Variants in KIF11 observed in about 807,000 individuals in gnomAD.
KIF11 encodes the protein kinesin-like protein KIF11.
In KIF11, 9 loss-of-function variants were observed where a neutral mutation model predicts 121.0. That is an observed-to-expected ratio of 0.07 (90% confidence interval 0.04 to 0.13). KIF11 has a LOEUF of 0.13. Ranked by LOEUF, KIF11 falls within the 10% of genes least tolerant of loss-of-function variation. The pLI, the probability that KIF11 is intolerant of heterozygous loss-of-function variation, is 1.00. For missense variants in KIF11, 846 were observed against 1,217.5 expected (o/e 0.69, Z 4.54); for synonymous variants, 408 against 421.0 (o/e 0.97, Z 0.38).
intron 1 of KIF11, among the ~76,000 whole-genome samples, chr10:92,603,263 CTTTTT>C (rs368046931): frequency 9.2e-5 from 10 of 109,172 alleles, no homozygotes; most frequent in African/African-American, 2.6e-4. Flanking sequence ...CTTTTCTTTT[CTTTTT>C]TTTTTTTTTT....
At chr10:92,633,559 G>C in intron 13 of KIF11, 64 bp from the exon 14 acceptor site, 1 of 1,180,398 alleles carries the variant, frequency 8.5e-7, no homozygotes, top group Non-Finnish European at 1.2e-6. Flanking sequence ...TCTTTGAAAT[G>C]GTTTGAACGG....
Position 92,637,173 on chromosome 10 carries a change from T to C in KIF11, c.1876-11T>C. 6.4e-7 allele frequency: 1 copy of C among 1,570,660 alleles called. No individual in the cohort carries two copies. The highest frequency in any genetic ancestry group is 1.2e-5 in the South Asian group (1 of 84,502). On this transcript the variant is annotated splice_polypyrimidine_tract_variant and intron_variant, in intron 14 of 21. Transcript: ENST00000260731. ...CTTTTTAAAGACCTATTTGTTTATT[T>C]CTGAAACCAGAATGTACTCAAGACT...
chr10:92,635,234 A>G (rs1479751924), intron 14 of KIF11, among the ~76,000 whole-genome samples: 1 of 152,104 alleles, frequency 6.6e-6, no homozygotes, highest in Non-Finnish European at 1.5e-5. Context: ...ACATTATTTG[A>G]TAGGTTTTCT....
At chr10:92,648,594 G>C (rs1844945927) in intron 19 of KIF11, among the ~76,000 whole-genome samples, 160 bp downstream of exon 19, 1 of 152,290 alleles carries the variant, frequency 6.6e-6, no homozygotes, top group East Asian at 1.9e-4. Flanking sequence ...CCTTAAAATA[G>C]TTTTAATCAA....
intron 14 of KIF11, among the ~76,000 whole-genome samples, chr10:92,634,076 C>T (rs568857284): frequency 1.3e-4 from 20 of 152,002 alleles, no homozygotes; most frequent in South Asian, 1.0e-3. Flanking sequence ...CTCTACCTCC[C>T]GGGTTCATGC....
chr10:92,600,549 C>T (rs1429684169), intron 1 of KIF11, among the ~76,000 whole-genome samples: 1 of 152,098 alleles, frequency 6.6e-6, no homozygotes, highest in Non-Finnish European at 1.5e-5. Flanking sequence ...CGCTCTGTCA[C>T]CAGGCTGGAG....
rs1257862291 is a variant in KIF11 at position 92,651,521 on chromosome 10, T to A, written c.3039+1004T>A. Among the ~76,000 whole-genome samples the A allele has an allele frequency of 4.5e-4, 34 of 75,258 alleles. 4 individuals are homozygous for A. The highest frequency in any genetic ancestry group is 3.4e-3 in the South Asian group (8 of 2,376). 49.4% of individuals were successfully genotyped at this position (75,258 alleles called of 152,430 possible). On this transcript the variant is annotated intron_variant, in intron 21 of 21. Coordinates refer to ENST00000260731, the MANE Select transcript of KIF11 (RefSeq NM_004523.4). ...TGGCTAATTTTGTTTTTTTTTTTTT[T>A]TTTTTTTTTTTTTTTTTTTTTTTTT...
rs58660991 is a variant in KIF11 at position 92,605,482 on chromosome 10, A to ATTTTTTTT, written c.78-769_78-762dup. ...CTACATCATAACCTAATTTGATCGG[A>ATTTTTTTT]TTTTTTTTTTTTTTTTTTTTTGAGA... On this transcript the variant is annotated intron_variant, in intron 1 of 21. Transcript: ENST00000260731. Among the ~76,000 whole-genome samples, 53 of 98,294 alleles carry ATTTTTTTT rather than the reference A, an allele frequency of 5.4e-4. 4 individuals carry two copies. The highest frequency in any genetic ancestry group is 1.9e-3 in the African/African-American group (45 of 24,258). 64.5% of individuals were successfully genotyped at this position (98,294 alleles called of 152,430 possible).
intron 6 of KIF11, among the ~76,000 whole-genome samples, chr10:92,611,547 GT>G (rs1844496647): frequency 6.6e-6 from 1 of 152,010 alleles, no homozygotes; most frequent in South Asian, 2.1e-4. Flanking sequence ...TTACATTTAT[GT>G]TTTTCCTTAG....
intron 10 of KIF11, 68 bp downstream of exon 10, chr10:92,621,541 A>C (rs1172255500): frequency 1.1e-6 from 1 of 911,314 alleles, no homozygotes; most frequent in Admixed American, 1.9e-5. Context: ...TTTGAAGTAA[A>C]ACTTATGTAG....
intron 18 of KIF11, 140 bp downstream of exon 18, chr10:92,645,782 C>A: frequency 3.2e-6 from 2 of 627,462 alleles, no homozygotes; most frequent in Non-Finnish European, 5.3e-6. Flanking sequence ...ATTTGGTATG[C>A]TTACAGATGA....
rs542482973 is a variant in KIF11, at chr10:92,611,001, AC to A, written c.698+1493del. Reference sequence around the variant, plus strand: ...GGTAAAATTTCTTTAGGTACATTTCACTAAAGTATAAAATTTCTATTTTTCC... The same window carrying A: ...GGTAAAATTTCTTTAGGTACATTTCATAAAGTATAAAATTTCTATTTTTCC... On this transcript the variant is annotated intron_variant, in intron 6 of 21. Coordinates refer to ENST00000260731, the MANE Select transcript of KIF11 (RefSeq NM_004523.4). 1.1e-4 allele frequency among the ~76,000 whole-genome samples: 16 copies of A among 152,232 alleles called. No individual in the cohort carries two copies. In the South Asian group the frequency reaches 3.3e-3, roughly 32 times the overall value.
intron 10 of KIF11, among the ~76,000 whole-genome samples, 167 bp from the exon 11 acceptor site, chr10:92,628,641 T>G (rs1309294939): frequency 6.6e-6 from 1 of 152,222 alleles, no homozygotes; most frequent in Non-Finnish European, 1.5e-5. Flanking sequence ...CTTTGTAATT[T>G]GTATTTATTG....
At chr10:92,632,388 T>C (rs1844748075) in intron 12 of KIF11, 98 bp from the exon 13 acceptor site, 1 of 818,230 alleles carries the variant, frequency 1.2e-6, no homozygotes, top group Non-Finnish European at 2.0e-6. Context: ...GGCTGGAAAA[T>C]TTACTAGTTC....
In KIF11 at chr10:92,645,066, C is replaced by T. The variant is rs80320073; in HGVS notation, c.2268-297C>T. Among the ~76,000 whole-genome samples, 2,669 of 152,176 alleles carry T rather than the reference C, an allele frequency of 0.018. 46 individuals carry two copies. Among genetic ancestry groups the T allele is most frequent in the Middle Eastern group, 0.031 (9 of 294 alleles). On this transcript the variant is annotated intron_variant, in intron 17 of 21. Transcript: ENST00000260731. Reference sequence around the variant, plus strand: ...TAGTAGATGCCCTGAAGTAACATTGCCTAGTAAGAGGAATAAAACAAGTAG... The same window carrying T: ...TAGTAGATGCCCTGAAGTAACATTGTCTAGTAAGAGGAATAAAACAAGTAG...
In KIF11 at chr10:92,630,299, A is replaced by G; in HGVS notation, c.1429A>G (p.Lys477Glu). The G allele has an allele frequency of 6.2e-7, 1 of 1,608,526 alleles. No homozygotes were observed. Among genetic ancestry groups the G allele is most frequent in the South Asian group, 1.1e-5 (1 of 89,674 alleles). ...HLQETKLQLV[K>E]EEYITSALES... ...GCAAGAAACTAAATTACAACTTGTTAAAGAAGAATATATCACATCAGCTTT... is the reference window on the plus strand; with the variant it reads ...GCAAGAAACTAAATTACAACTTGTTGAAGAAGAATATATCACATCAGCTTT... The change falls in exon 12 of 22, where the codon AAA (lysine) becomes GAA (glutamate). Residue 477 changes from lysine (K) to glutamate (E), a missense_variant. This residue lies in a region of KIF11 where 95 missense variants were observed against 109.3 expected (regional missense o/e 0.87). Transcript: ENST00000260731.
intron 8 of KIF11, 59 bp from the exon 9 acceptor site, chr10:92,616,678 A>G: frequency 1.2e-6 from 1 of 842,506 alleles, no homozygotes; most frequent in Non-Finnish European, 1.9e-6. Flanking sequence ...TATTTTAGAT[A>G]ACAGAACTAC....
At chr10:92,642,832 TTA>T (rs1844879545) in intron 17 of KIF11, among the ~76,000 whole-genome samples, 1 of 152,206 alleles carries the variant, frequency 6.6e-6, no homozygotes. Flanking sequence ...GTCTAAGTCT[TTA>T]TATTTAAAGT....
intron 16 of KIF11, among the ~76,000 whole-genome samples, chr10:92,638,605 T>C (rs1291170295): frequency 6.6e-6 from 1 of 152,206 alleles, no homozygotes; most frequent in Non-Finnish European, 1.5e-5. Flanking sequence ...TATCTTAGCA[T>C]GAATGGTTTG....
Sources: gnomAD v4.1 joint callset for allele counts (sites outside exome capture counted in the v4.1 genomes callset) on GRCh38, gnomAD v4.1.1 for gene constraint, gnomAD v4.1.1 regional missense constraint, MANE v1.5 for transcripts, NCBI Gene and HGNC (gene_info 2026-07-23, HGNC 2026-07-21) for gene names.